RAB3IP: variants seen among roughly 807,000 people sequenced by gnomAD.
RAB3IP encodes RAB3A interacting protein.
A neutral mutation model predicts 59.1 loss-of-function variants in RAB3IP; 36 were observed. The ratio of observed to expected loss-of-function variants is 0.61; its 90% CI spans 0.47 to 0.80. The LOEUF is 0.80. RAB3IP is among the 30% of genes least tolerant of loss of function. The pLI, the probability that RAB3IP is intolerant of heterozygous loss-of-function variation, is 0.00. For synonymous variants in RAB3IP, 207 were observed against 191.2 expected (o/e 1.08, Z -0.68); for missense variants, 511 against 536.0 (o/e 0.95, Z 0.46).
At position 69,820,449 on chromosome 12, in the gene RAB3IP, C is replaced by T. The variant is rs952920718; in HGVS notation, c.*5003C>T. The T allele has an allele frequency of 1.3e-5, 2 of 151,902 alleles. No homozygotes were observed. The highest frequency in any genetic ancestry group is 2.9e-5 in the Non-Finnish European group (2 of 68,064). 9.4% of individuals were successfully genotyped at this position (151,902 alleles called of 1,614,324 possible). A position where few individuals can be genotyped will look rare whatever the true frequency, so the allele number is the denominator to read the frequency against. On this transcript the variant is annotated 3_prime_UTR_variant, in exon 11 of 11. Coordinates refer to ENST00000247833, the MANE Select transcript of RAB3IP (RefSeq NM_022456.5). ...TGCTGTCCTTGCATCCACTCCTGCC[C>T]TCCTACAATCACTGACGGCAGCCGC...
chr12:69,810,337 C>T (rs1010120540), intron 8 of RAB3IP, among the ~76,000 whole-genome samples: 58 of 152,242 alleles, frequency 3.8e-4, no homozygotes, highest in East Asian at 3.9e-4. Flanking sequence ...TTAGGCTACT[C>T]GGGGGTCAGG....
Position 69,784,603 on chromosome 12 carries a change from A to G in RAB3IP, c.511-117A>G, listed in dbSNP as rs146900538. On this transcript the variant is annotated intron_variant, in intron 3 of 10. Transcript: ENST00000247833. ...TGCTAGATAAATACTTTCAATGTGA[A>G]CATTGTCAGAAGTGACAGTATTCAT... The G allele has an allele frequency of 5.6e-5, 24 of 429,368 alleles. 1 individual carries two copies. The highest frequency in any genetic ancestry group is 2.2e-4 in the Admixed American group (5 of 23,204). 26.6% of individuals were successfully genotyped at this position (429,368 alleles called of 1,614,324 possible). A position where few individuals can be genotyped will look rare whatever the true frequency, so the allele number is the denominator to read the frequency against.
chr12:69,768,111 G>A (rs1236645484), intron 3 of RAB3IP, among the ~76,000 whole-genome samples: 1 of 152,088 alleles, frequency 6.6e-6, no homozygotes, highest in Non-Finnish European at 1.5e-5. Context: ...GATCTGCTTG[G>A]GTGTGTAGTG....
intron 8 of RAB3IP, among the ~76,000 whole-genome samples, chr12:69,809,557 C>T (rs2136279103): frequency 6.6e-6 from 1 of 152,330 alleles, no homozygotes; most frequent in South Asian, 2.1e-4. Context: ...TAAATTTGGT[C>T]TTTTCACATA....
intron 1 of RAB3IP, among the ~76,000 whole-genome samples, chr12:69,753,904 A>G (rs954167688): frequency 1.3e-5 from 2 of 152,194 alleles, no homozygotes; most frequent in African/African-American, 4.8e-5. Context: ...ACTTTGTGAT[A>G]TAATTGAATA....
intron 8 of RAB3IP, among the ~76,000 whole-genome samples, chr12:69,804,197 G>T (rs1169573582): frequency 2.6e-5 from 4 of 152,196 alleles, no homozygotes; most frequent in Non-Finnish European, 5.9e-5. Context: ...CATTCTAACT[G>T]GTGTGAGATG....
rs1372042768 is a variant in RAB3IP, at chr12:69,819,040, C to G, written c.*3594C>G. On this transcript the variant is annotated 3_prime_UTR_variant, in exon 11 of 11. Transcript: ENST00000247833. Reference sequence around the variant, plus strand: ...GTGCTATGATTTCACCTGTGAATAGCTACTATATTCCAACCTGGGCAACGT... The same window carrying G: ...GTGCTATGATTTCACCTGTGAATAGGTACTATATTCCAACCTGGGCAACGT... The G allele has an allele frequency of 3.3e-5, 5 of 152,114 alleles. No homozygotes were observed. Among genetic ancestry groups the G allele is most frequent in the African/African-American group, 1.2e-4 (5 of 41,418 alleles). The allele number at this position is 152,114 out of a possible 1,614,324, so 9.4% of individuals were successfully genotyped here.
chr12:69,792,785 T>C (rs1354217414), intron 4 of RAB3IP, among the ~76,000 whole-genome samples: 1 of 152,188 alleles, frequency 6.6e-6, no homozygotes, highest in East Asian at 1.9e-4. Context: ...AATTTCACAT[T>C]ACTCTAAGTT....
intron 4 of RAB3IP, among the ~76,000 whole-genome samples, chr12:69,788,107 T>C (rs946225683): frequency 6.6e-6 from 1 of 152,140 alleles, no homozygotes; most frequent in African/African-American, 2.4e-5. Context: ...ATTATCCAGA[T>C]GAAGGTCTGG....
intron 5 of RAB3IP, 86 bp from the exon 6 acceptor site, chr12:69,795,055 A>G (rs1418705470): frequency 2.2e-6 from 2 of 929,604 alleles, no homozygotes; most frequent in East Asian, 4.9e-5. Context: ...TCATCTTTGA[A>G]AGTGTTTTGA....
chr12:69,791,439 G>C (rs1876596967), intron 4 of RAB3IP, among the ~76,000 whole-genome samples: 1 of 152,156 alleles, frequency 6.6e-6, no homozygotes, highest in Non-Finnish European at 1.5e-5. Context: ...TATCTGATAA[G>C]GAGTTAATAT....
chr12:69,821,735 G>T lies in RAB3IP; in HGVS notation c.*6289G>T, dbSNP rs1882193. The T allele has an allele frequency of 0.88, 133,253 of 152,220 alleles. 58,636 individuals carry two copies. The highest frequency in any genetic ancestry group is 0.93 in the Admixed American group (14,187 of 15,296). The allele number at this position is 152,220 out of a possible 1,614,324, so 9.4% of individuals were successfully genotyped here. A position where few individuals can be genotyped will look rare whatever the true frequency, so the allele number is the denominator to read the frequency against. ...CCGTTTCGACAACACTGAGCCCACA[G>T]TCTTGAATGACAACACTTGGGTGGA... On this transcript the variant is annotated 3_prime_UTR_variant, in exon 11 of 11. Coordinates refer to ENST00000247833, the MANE Select transcript of RAB3IP (RefSeq NM_022456.5).
At chr12:69,793,656 C>T (rs1311346179) in intron 4 of RAB3IP, among the ~76,000 whole-genome samples, 1 of 152,070 alleles carries the variant, frequency 6.6e-6, no homozygotes, top group Non-Finnish European at 1.5e-5. Flanking sequence ...TGTAAGGCTT[C>T]ATATTGCATT....
At position 69,816,886 on chromosome 12, in the gene RAB3IP, A is replaced by G. The variant is rs1288106306; in HGVS notation, c.*1440A>G. ...CACCAGGCTGGATGGGAGCCCACAG[A>G]CAAAAGGACATTGGTGTATGTTATG... On this transcript the variant is annotated 3_prime_UTR_variant, in exon 11 of 11. Transcript: ENST00000247833. 18 of 152,220 alleles carry G rather than the reference A, an allele frequency of 1.2e-4. No individual in the cohort carries two copies. The allele number at this position is 152,220 out of a possible 1,614,324, so 9.4% of individuals were successfully genotyped here. A position where few individuals can be genotyped will look rare whatever the true frequency, so the allele number is the denominator to read the frequency against.
chr12:69,812,607 G>A (rs914740261), intron 8 of RAB3IP, 171 bp from the exon 9 acceptor site: 5 of 585,654 alleles, frequency 8.5e-6, no homozygotes, highest in Non-Finnish European at 1.5e-5. Flanking sequence ...AGTCTCACAA[G>A]GGCAGAGACT....
At chr12:69,809,982 T>TA (rs750036127) in intron 8 of RAB3IP, among the ~76,000 whole-genome samples, 3 of 152,234 alleles carry the variant, frequency 2.0e-5, no homozygotes, top group Non-Finnish European at 4.4e-5. Context: ...CTCTGATTTT[T>TA]AGAGTTTCCG....
chr12:69,782,599 C>T (rs1185535223), intron 3 of RAB3IP, among the ~76,000 whole-genome samples: 6 of 152,208 alleles, frequency 3.9e-5, no homozygotes, highest in East Asian at 1.9e-4. Context: ...TTAATTGGGT[C>T]GTTCTTTTCT....
At chr12:69,739,549 G>C (rs1887060668) in intron 1 of RAB3IP, 1 of 485,858 alleles carries the variant, frequency 2.1e-6, no homozygotes, top group Non-Finnish European at 3.7e-6. Context: ...TCGTGTCCCA[G>C]TCTTAGGAAA....
intron 3 of RAB3IP, among the ~76,000 whole-genome samples, chr12:69,772,129 TTATA>T (rs1471303965): frequency 6.6e-6 from 1 of 152,192 alleles, no homozygotes; most frequent in Admixed American, 6.5e-5. Flanking sequence ...TTTACAATTA[TTATA>T]TCCTCTTTAT....
Sources: gnomAD v4.1 joint callset for allele counts (sites outside exome capture counted in the v4.1 genomes callset) on GRCh38, gnomAD v4.1.1 for gene constraint, MANE v1.5 for transcripts, NCBI Gene and HGNC (gene_info 2026-07-23, HGNC 2026-07-21) for gene names.